The following ABCA13 variants were observed in gnomAD, a reference collection of about 807,000 sequenced individuals.
ABCA13 encodes ATP binding cassette subfamily A member 13, also known as ATP-binding cassette sub-family A member 13.
Under a neutral mutation model 478.7 loss-of-function variants are expected in ABCA13, and 476 were observed. The ratio of observed to expected loss-of-function variants is 0.99; its 90% CI spans 0.92 to 1.07. ABCA13 has a LOEUF of 1.07. Among genes scored for constraint, ABCA13 ranks in the 50% least tolerant of loss-of-function variants. The probability of loss-of-function intolerance (pLI) is 0.00; values close to 1 mark genes in which losing one functional copy is unlikely to be tolerated. For missense variants in ABCA13, 6,060 were observed against 5,910.6 expected (o/e 1.03, Z -0.83); for synonymous variants, 2,252 against 2,158.9 (o/e 1.04, Z -1.20).
intron 55 of ABCA13, among the ~76,000 whole-genome samples, chr7:48,536,583 G>A (rs1328721767): frequency 6.6e-6 from 1 of 151,914 alleles, no homozygotes; most frequent in Non-Finnish European, 1.5e-5. Context: ...TGGAGGCGGA[G>A]GTTGCAGTGA....
In ABCA13 at chr7:48,427,747, GTT is replaced by G; in HGVS notation, c.12460-11_12460-10del. ...ATAGAAACATAAAATAATACATGGC[GTT>G]TTTTTTTCTCCGAAAGGTGTTTTTG... On this transcript the variant is annotated splice_polypyrimidine_tract_variant and intron_variant, in intron 41 of 61. Transcript: ENST00000435803. The G allele has an allele frequency of 1.4e-6, 2 of 1,443,158 alleles. No homozygotes were observed. Among genetic ancestry groups the G allele is most frequent in the Non-Finnish European group, 1.9e-6 (2 of 1,038,816 alleles). 89.4% of individuals were successfully genotyped at this position (1,443,158 alleles called of 1,614,324 possible).
chr7:48,411,020 T>TTTC (rs1226678260), intron 40 of ABCA13, among the ~76,000 whole-genome samples: 3 of 118,436 alleles, frequency 2.5e-5, no homozygotes, highest in Non-Finnish European at 5.5e-5. Flanking sequence ...TCTTTCTTTC[T>TTTC]TTCTTTCTTT....
At chr7:48,240,732 C>G in intron 9 of ABCA13, 135 bp from the exon 10 acceptor site, 1 of 666,436 alleles carries the variant, frequency 1.5e-6, no homozygotes. Flanking sequence ...CAATTGCTAA[C>G]AGACATTTTA....
intron 1 of ABCA13, among the ~76,000 whole-genome samples, chr7:48,177,710 G>A (rs1246279867): frequency 6.6e-6 from 1 of 152,210 alleles, no homozygotes; most frequent in Non-Finnish European, 1.5e-5. Context: ...GTGCAGGTGA[G>A]ATGGAACTCC....
chr7:48,471,100 T>A (rs1400241924), intron 44 of ABCA13, among the ~76,000 whole-genome samples: 1 of 152,114 alleles, frequency 6.6e-6, no homozygotes, highest in East Asian at 1.9e-4. Context: ...ACCAAAAAGG[T>A]TTAAAGAGGA....
intron 13 of ABCA13, among the ~76,000 whole-genome samples, chr7:48,246,522 C>T (rs1257849927): frequency 6.6e-6 from 1 of 152,130 alleles, no homozygotes; most frequent in Non-Finnish European, 1.5e-5. Context: ...TTGTCAAGTT[C>T]CAGCCCTATT....
At chr7:48,632,364 T>C (rs1465969578) in intron 59 of ABCA13, among the ~76,000 whole-genome samples, 2 of 152,246 alleles carry the variant, frequency 1.3e-5, no homozygotes, top group African/African-American at 4.8e-5. Flanking sequence ...TTTTATGGGC[T>C]GTCTTTTCAC....
intron 25 of ABCA13, among the ~76,000 whole-genome samples, chr7:48,313,816 A>G (rs1285038291): frequency 1.3e-5 from 2 of 152,220 alleles, no homozygotes; most frequent in African/African-American, 4.8e-5. Flanking sequence ...TTGGAGACAG[A>G]ATGTAAGTCC....
At chr7:48,351,371 C>T (rs1376734656) in intron 30 of ABCA13, among the ~76,000 whole-genome samples, 1 of 152,162 alleles carries the variant, frequency 6.6e-6, no homozygotes, top group Non-Finnish European at 1.5e-5. Flanking sequence ...GTTGCTGTAA[C>T]AAAGTATCGC....
chr7:48,393,398 A>C (rs1011688056), intron 38 of ABCA13, among the ~76,000 whole-genome samples: 1 of 152,224 alleles, frequency 6.6e-6, no homozygotes, highest in African/African-American at 2.4e-5. Flanking sequence ...GCAGAACGTC[A>C]ACCATGGCGT....
chr7:48,637,381 C>CAAAGA (rs1794732242), intron 59 of ABCA13, among the ~76,000 whole-genome samples: 1 of 20,256 alleles, frequency 4.9e-5, no homozygotes, highest in Non-Finnish European at 8.6e-5. Flanking sequence ...GTTCATAAAG[C>CAAAGA]AAAAAAAAAA....
At chr7:48,342,565 A>G (rs1224833312) in intron 29 of ABCA13, among the ~76,000 whole-genome samples, 2 of 151,914 alleles carry the variant, frequency 1.3e-5, no homozygotes, top group African/African-American at 4.8e-5. Context: ...ATGGTTTCTT[A>G]TGAGAATCCT....
At chr7:48,629,502 T>C (rs145478352) in intron 59 of ABCA13, among the ~76,000 whole-genome samples, 1 of 143,852 alleles carries the variant, frequency 7.0e-6, no homozygotes, top group Non-Finnish European at 1.5e-5. Context: ...ATAGTTATCT[T>C]ACAAATTTTA....
chr7:48,232,723 A>G (rs1302926623), intron 7 of ABCA13, among the ~76,000 whole-genome samples: 1 of 152,212 alleles, frequency 6.6e-6, no homozygotes, highest in Non-Finnish European at 1.5e-5. Flanking sequence ...GAAAGATTTT[A>G]TACTTTTATA....
intron 23 of ABCA13, among the ~76,000 whole-genome samples, chr7:48,309,537 C>A (rs1042953942): frequency 6.6e-6 from 1 of 151,926 alleles, no homozygotes; most frequent in African/African-American, 2.4e-5. Context: ...ACACTGATGA[C>A]GGTGAAAAGT....
intron 41 of ABCA13, among the ~76,000 whole-genome samples, chr7:48,422,689 T>C (rs1316241395): frequency 6.6e-6 from 1 of 152,178 alleles, no homozygotes; most frequent in Non-Finnish European, 1.5e-5. Context: ...TAGGACAGGC[T>C]GGATAATGGT....
intron 21 of ABCA13, among the ~76,000 whole-genome samples, chr7:48,296,100 A>AAT (rs2128832080): frequency 6.6e-6 from 1 of 152,314 alleles, no homozygotes; most frequent in South Asian, 2.1e-4. Context: ...TAGATATAAG[A>AAT]ATGTAATCCA....
chr7:48,398,251 A>G (rs1817120316), intron 38 of ABCA13, among the ~76,000 whole-genome samples: 1 of 152,208 alleles, frequency 6.6e-6, no homozygotes, highest in East Asian at 1.9e-4. Flanking sequence ...AGTAAACTCT[A>G]TTGTGATTGA....
intron 42 of ABCA13, among the ~76,000 whole-genome samples, chr7:48,441,927 A>G (rs868717050): frequency 3.9e-5 from 6 of 152,354 alleles, no homozygotes; most frequent in Admixed American, 6.5e-5. Context: ...ACAAATTAGC[A>G]TGGTGAAACC....
Sources: gnomAD v4.1 joint callset for allele counts (sites outside exome capture counted in the v4.1 genomes callset) on GRCh38, gnomAD v4.1.1 for gene constraint, MANE v1.5 for transcripts, NCBI Gene and HGNC (gene_info 2026-07-23, HGNC 2026-07-21) for gene names.